Variants in GPR137B observed in about 807,000 individuals in gnomAD.
The protein encoded by GPR137B is G protein-coupled receptor 137B, also known as integral membrane protein GPR137B.
GPR137B carries 42 observed loss-of-function variants against 42.5 expected under a neutral mutation model. The ratio of observed to expected loss-of-function variants is 0.99; its 90% CI spans 0.77 to 1.28. The LOEUF is 1.28. Among genes scored for constraint, GPR137B ranks in the 50% most tolerant of loss-of-function variants. The pLI is 0.00. For synonymous variants in GPR137B, 218 were observed against 209.7 expected, an observed-to-expected ratio of 1.04 and a Z score of -0.34; for missense variants, 487 against 493.9, an observed-to-expected ratio of 0.99 and a Z score of 0.13.
chr1:236,196,585 A>G lies in GPR137B; in HGVS notation c.967-8541A>G, dbSNP rs1174260114. ...ACCTTAGCATTGTACACTGTACCCA[A>G]TGTGTAGTCTTTTATCCCTCACCCT... On this transcript the variant is annotated intron_variant, in intron 5 of 6. Coordinates refer to ENST00000366592, the MANE Select transcript of GPR137B (RefSeq NM_003272.4). 3.3e-5 allele frequency among the ~76,000 whole-genome samples: 5 copies of G among 152,142 alleles called. No individual in the cohort carries two copies. The South Asian group carries it at 6.2e-4, about 19-fold the overall frequency.
chr1:236,178,600 T>G lies in GPR137B; in HGVS notation c.651T>G (p.Ser217=). Residue 217 remains serine (S), a synonymous_variant, in exon 3 of 7, where the codon TCT becomes TCG. Transcript: ENST00000366592. ...TCTCCATCTGTCTCTACAAAATCTC[T>G]AAGATGTCCTTAGCCAACATTTACT... ...VSLSICLYKI[S]KMSLANIYLE... 6.2e-7 allele frequency: 1 copy of G among 1,611,992 alleles called. No homozygotes were observed. Among genetic ancestry groups the G allele is most frequent in the Non-Finnish European group, 8.5e-7 (1 of 1,179,340 alleles).
chr1:236,184,821 T>C (rs1160783541), intron 5 of GPR137B, among the ~76,000 whole-genome samples: 1 of 151,930 alleles, frequency 6.6e-6, no homozygotes, highest in Admixed American at 6.6e-5. Context: ...AGCTGGAGTG[T>C]AGTGGCGCGA....
chr1:236,187,293 CTGA>C (rs1368266241), intron 5 of GPR137B, among the ~76,000 whole-genome samples: 1 of 152,136 alleles, frequency 6.6e-6, no homozygotes, highest in Admixed American at 6.5e-5. Context: ...CCTGTTTACT[CTGA>C]TGATAGTTTC....
chr1:236,207,548 A>G (rs901985125), intron 6 of GPR137B, among the ~76,000 whole-genome samples: 4 of 152,244 alleles, frequency 2.6e-5, no homozygotes, highest in African/African-American at 9.6e-5. Flanking sequence ...ACATAGAGGA[A>G]CATAATTATA....
At chr1:236,190,626 A>G (rs1663166803) in intron 5 of GPR137B, among the ~76,000 whole-genome samples, 1 of 151,374 alleles carries the variant, frequency 6.6e-6, no homozygotes, top group Non-Finnish European at 1.5e-5. Flanking sequence ...TCTGGGTTGA[A>G]AATTTTTTTC....
At chr1:236,186,247 A>AACATATATATT (rs1290706261) in intron 5 of GPR137B, among the ~76,000 whole-genome samples, 8 of 34,188 alleles carry the variant, frequency 2.3e-4, no homozygotes, top group Non-Finnish European at 3.0e-4. Flanking sequence ...TAATATAAAT[A>AACATATATATT]ATATATAATA....
chr1:236,191,173 A>T (rs1361858549), intron 5 of GPR137B, among the ~76,000 whole-genome samples: 1 of 152,176 alleles, frequency 6.6e-6, no homozygotes, highest in East Asian at 1.9e-4. Flanking sequence ...TTCTTGTGCT[A>T]TGTTTTTCAG....
chr1:236,149,999 G>A (rs899491192), intron 1 of GPR137B, among the ~76,000 whole-genome samples: 33 of 151,392 alleles, frequency 2.2e-4, no homozygotes, highest in Admixed American at 2.0e-4. Context: ...TTGTGTATGT[G>A]TGCCTGTGTG....
intron 1 of GPR137B, among the ~76,000 whole-genome samples, chr1:236,151,918 C>A (rs1661879263): frequency 6.6e-6 from 1 of 152,146 alleles, no homozygotes; most frequent in South Asian, 2.1e-4. Flanking sequence ...GTTGTCCCAT[C>A]AGGCTGTGTG....
rs1034512680 is a variant in GPR137B, at chr1:236,170,715, C to A, written c.464+1960C>A. Among the ~76,000 whole-genome samples the A allele has an allele frequency of 9.9e-5, 15 of 152,202 alleles. No individual in the cohort carries two copies. In the Middle Eastern group the frequency reaches 0.01, roughly 104 times the overall value. On this transcript the variant is annotated intron_variant, in intron 2 of 6. Transcript: ENST00000366592. ...TACAGGCCGGGCACGGTGGCTCACT[C>A]CTGTAATCCCAGAACTTTGGGAGGC...
At chr1:236,161,251 C>T (rs140965084) in intron 1 of GPR137B, among the ~76,000 whole-genome samples, 2,266 of 152,184 alleles carry the variant, frequency 0.015, 34 homozygotes, top group Middle Eastern at 0.061. Context: ...AATGCTCCCC[C>T]GAAGCTCTCC....
intron 4 of GPR137B, chr1:236,180,255 A>C (rs1662830895): frequency 1.8e-5 from 8 of 446,392 alleles, no homozygotes; most frequent in Non-Finnish European, 3.2e-5. Context: ...AACAGTTGTT[A>C]TACTACATTG....
In GPR137B at chr1:236,208,224, G is replaced by C. The variant is rs1030866761; in HGVS notation, c.*66G>C. 1.1e-5 allele frequency: 18 copies of C among 1,567,180 alleles called. No homozygotes were observed. Among genetic ancestry groups the C allele is most frequent in the Non-Finnish European group, 1.5e-5 (17 of 1,159,134 alleles). On this transcript the variant is annotated 3_prime_UTR_variant, in exon 7 of 7. Coordinates refer to ENST00000366592, the MANE Select transcript of GPR137B (RefSeq NM_003272.4). Reference sequence around the variant, plus strand: ...GCTTCAGAAAAGCATAGTGACAGCTGAATTTTTAGGGCACTTTTCCTTAAG... The same window carrying C: ...GCTTCAGAAAAGCATAGTGACAGCTCAATTTTTAGGGCACTTTTCCTTAAG...
intron 5 of GPR137B, among the ~76,000 whole-genome samples, chr1:236,186,592 G>T (rs1663047039): frequency 6.6e-6 from 1 of 150,844 alleles, no homozygotes. Context: ...GCGGTGTTTG[G>T]TTTTCTGTTC....
chr1:236,150,693 G>A lies in GPR137B; in HGVS notation c.414+7657G>A, dbSNP rs557137358. On this transcript the variant is annotated intron_variant, in intron 1 of 6. Transcript: ENST00000366592. The surrounding 1 kb of genome is among the most constrained non-coding windows in gnomAD (Gnocchi z 6.2). Reference sequence around the variant, plus strand: ...TCACCATCAGGAGCGCCCTACTGTCGGCTCCGAACACTGTGGCACCTGCAG... The same window carrying A: ...TCACCATCAGGAGCGCCCTACTGTCAGCTCCGAACACTGTGGCACCTGCAG... Among the ~76,000 whole-genome samples the A allele has an allele frequency of 4.6e-5, 7 of 152,298 alleles. No individual in the cohort carries two copies. Among genetic ancestry groups the A allele is most frequent in the African/African-American group, 7.2e-5 (3 of 41,552 alleles).
chr1:236,205,316 T>A (rs532663481), intron 6 of GPR137B, 66 bp downstream of exon 6: 293 of 1,420,090 alleles, frequency 2.1e-4, no homozygotes, highest in Admixed American at 2.9e-4. Context: ...TTAAATAGAT[T>A]CAAGCTAAAA....
chr1:236,208,659 T>C lies in GPR137B; in HGVS notation c.*501T>C. ...CATTGGTAGACTCCTAAAATACAGT[T>C]GACAACTTAGCCAATTGCAACTCCA... On this transcript the variant is annotated 3_prime_UTR_variant, in exon 7 of 7. Coordinates refer to ENST00000366592, the MANE Select transcript of GPR137B (RefSeq NM_003272.4). 1.0e-6 allele frequency: 1 copy of C among 985,810 alleles called. No homozygotes were observed. Among genetic ancestry groups the C allele is most frequent in the Non-Finnish European group, 1.2e-6 (1 of 829,926 alleles). The allele number at this position is 985,810 out of a possible 1,614,324, so 61.1% of individuals were successfully genotyped here. A position where few individuals can be genotyped will look rare whatever the true frequency, so the allele number is the denominator to read the frequency against.
chr1:236,189,324 C>T (rs1663122786), intron 5 of GPR137B, among the ~76,000 whole-genome samples: 1 of 152,154 alleles, frequency 6.6e-6, no homozygotes, highest in Admixed American at 6.5e-5. Flanking sequence ...CTATCTCCTT[C>T]AGCTCTGCTC....
chr1:236,206,724 G>A (rs1172558618), intron 6 of GPR137B, among the ~76,000 whole-genome samples: 4 of 152,232 alleles, frequency 2.6e-5, no homozygotes, highest in Admixed American at 2.6e-4. Context: ...AAGGGTAGTT[G>A]CTATTGGGAT....
Sources: allele counts gnomAD v4.1 joint callset (sites outside exome capture counted in the v4.1 genomes callset), GRCh38; gene constraint gnomAD v4.1.1; non-coding constraint Gnocchi (gnomAD v3.1); transcripts MANE v1.5; gene names NCBI Gene and HGNC (gene_info 2026-07-23, HGNC 2026-07-21).